SPECC1L: variants seen among roughly 807,000 people sequenced by gnomAD.
The protein encoded by SPECC1L is cytospin-A.
A neutral mutation model predicts 116.8 loss-of-function variants in SPECC1L; 40 were observed. The observed-to-expected ratio is 0.34, with a 90% CI of 0.27 to 0.45. The LOEUF (loss-of-function observed/expected upper bound fraction) is 0.45, where lower values mean the gene tolerates loss of function less well. Among genes scored for constraint, SPECC1L ranks in the 20% least tolerant of loss-of-function variants. SPECC1L has a pLI of 1.00. For missense variants in SPECC1L, 1,110 were observed against 1,373.6 expected, an observed-to-expected ratio of 0.81 and a Z score of 3.03; for synonymous variants, 504 against 500.6, an observed-to-expected ratio of 1.01 and a Z score of -0.09.
intron 14 of SPECC1L, among the ~76,000 whole-genome samples, chr22:24,376,651 C>T (rs1217865007): frequency 6.6e-6 from 1 of 152,136 alleles, no homozygotes; most frequent in African/African-American, 2.4e-5. Context: ...ATATTTTATG[C>T]TAAGGGAAAG....
At chr22:24,319,154 C>CCATTCTCA (rs1569418890) in intron 4 of SPECC1L, among the ~76,000 whole-genome samples, 2 of 152,112 alleles carry the variant, frequency 1.3e-5, no homozygotes, top group African/African-American at 4.8e-5. Flanking sequence ...CTGTATTAGT[C>CCATTCTCA]CATTCTCATG....
intron 10 of SPECC1L, among the ~76,000 whole-genome samples, chr22:24,340,380 C>T (rs569285097): frequency 1.3e-5 from 2 of 152,092 alleles, no homozygotes; most frequent in Admixed American, 1.3e-4. Flanking sequence ...TTCCTGACCT[C>T]AAGCAATCTG....
At chr22:24,271,569 C>T (rs1481021161) in intron 1 of SPECC1L, among the ~76,000 whole-genome samples, 1 of 152,254 alleles carries the variant, frequency 6.6e-6, no homozygotes, top group Admixed American at 6.5e-5. Flanking sequence ...CGGTACCTGT[C>T]TGAGGAAATT....
intron 14 of SPECC1L, among the ~76,000 whole-genome samples, chr22:24,392,817 G>A (rs1288177636): frequency 6.6e-6 from 1 of 152,110 alleles, no homozygotes; most frequent in African/African-American, 2.4e-5. Flanking sequence ...TCTCATCTCC[G>A]CTCTACTCAG....
chr22:24,293,579 A>ATTT (rs4049940), intron 2 of SPECC1L, among the ~76,000 whole-genome samples: 4 of 145,434 alleles, frequency 2.8e-5, no homozygotes, highest in African/African-American at 1.1e-4. Flanking sequence ...AGAAAAGCAG[A>ATTT]TTTTTTTTTT....
intron 4 of SPECC1L, among the ~76,000 whole-genome samples, chr22:24,318,525 G>T (rs2040651740): frequency 6.6e-6 from 1 of 152,148 alleles, no homozygotes; most frequent in African/African-American, 2.4e-5. Context: ...GAGGGGAGAG[G>T]GGAGAGGGAG....
chr22:24,275,336 G>A (rs1601477780), intron 1 of SPECC1L, among the ~76,000 whole-genome samples: 1 of 152,238 alleles, frequency 6.6e-6, no homozygotes, highest in Non-Finnish European at 1.5e-5. Context: ...CCTGACAGCT[G>A]TGAGACACCT....
At chr22:24,279,570 AATT>A (rs56978503) in intron 2 of SPECC1L, among the ~76,000 whole-genome samples, 1 of 150,462 alleles carries the variant, frequency 6.6e-6, no homozygotes, top group South Asian at 2.1e-4. Flanking sequence ...TTATTTTTTT[AATT>A]ATTATTATTA....
chr22:24,383,777 C>T (rs2042104186), intron 14 of SPECC1L, among the ~76,000 whole-genome samples: 1 of 132,170 alleles, frequency 7.6e-6, no homozygotes, highest in Non-Finnish European at 1.6e-5. Context: ...GCTGGGATTA[C>T]AGGCACCCAC....
chr22:24,311,408 C>T (rs979893126), intron 3 of SPECC1L, among the ~76,000 whole-genome samples: 4 of 152,242 alleles, frequency 2.6e-5, no homozygotes, highest in Non-Finnish European at 4.4e-5. Context: ...TATTTACTGG[C>T]TAAGAGAGGA....
intron 11 of SPECC1L, among the ~76,000 whole-genome samples, chr22:24,351,937 C>T (rs1170458276): frequency 4.0e-5 from 6 of 151,426 alleles, no homozygotes; most frequent in Non-Finnish European, 7.4e-5. Context: ...TTCAGTGAGC[C>T]GAGATTGCGC....
chr22:24,274,403 C>G (rs2048790448), intron 1 of SPECC1L, among the ~76,000 whole-genome samples: 1 of 152,182 alleles, frequency 6.6e-6, no homozygotes, highest in South Asian at 2.1e-4. Flanking sequence ...GTGACATACT[C>G]TTAAAAAACC....
At chr22:24,303,861 G>A (rs2049435474) in intron 3 of SPECC1L, among the ~76,000 whole-genome samples, 1 of 149,114 alleles carries the variant, frequency 6.7e-6, no homozygotes, top group African/African-American at 2.4e-5. Flanking sequence ...GTGTGTGTGT[G>A]TGTGTGTGTG....
chr22:24,324,204 C>A lies in SPECC1L; in HGVS notation c.1939-16C>A. 6.2e-7 allele frequency: 1 copy of A among 1,606,250 alleles called. No homozygotes were observed. Among genetic ancestry groups the A allele is most frequent in the Non-Finnish European group, 8.5e-7 (1 of 1,173,148 alleles). On this transcript the variant is annotated splice_polypyrimidine_tract_variant and intron_variant, in intron 5 of 16. Coordinates refer to ENST00000314328, the MANE Select transcript of SPECC1L (RefSeq NM_015330.6). The stretch of plus-strand genomic sequence containing the variant: ...ACTCTTAACTTTTCTAAATCTGCAT[C>A]GTCAATTTTACGTAGGTAGAGGATG...
chr22:24,334,995 G>A (rs1024944269), intron 9 of SPECC1L, among the ~76,000 whole-genome samples: 3 of 152,098 alleles, frequency 2.0e-5, no homozygotes, highest in African/African-American at 7.2e-5. Context: ...CCAAACTCTT[G>A]TCTGCCATCT....
At chr22:24,342,469 A>C (rs1601582844) in intron 10 of SPECC1L, among the ~76,000 whole-genome samples, 1 of 151,874 alleles carries the variant, frequency 6.6e-6, no homozygotes, top group Non-Finnish European at 1.5e-5. Context: ...TCAGGAGTTC[A>C]AGACCAGCCT....
chr22:24,338,372 T>G lies in SPECC1L; in HGVS notation c.2561-14T>G. On this transcript the variant is annotated splice_polypyrimidine_tract_variant and intron_variant, in intron 9 of 16. Transcript: ENST00000314328. ...CAGTGACATTATTTCCCTTTTTGTT[T>G]GTTGTTTTTGTAGTACCAAACCCTG... 1 of 1,613,394 alleles carries G rather than the reference T, an allele frequency of 6.2e-7. No individual in the cohort carries two copies. Among genetic ancestry groups the G allele is most frequent in the Non-Finnish European group, 8.5e-7 (1 of 1,179,482 alleles).
chr22:24,358,701 G>A (rs1411783092), intron 11 of SPECC1L, among the ~76,000 whole-genome samples: 2 of 152,112 alleles, frequency 1.3e-5, no homozygotes, highest in African/African-American at 2.4e-5. Flanking sequence ...AGGATATGTC[G>A]TCTAGTTCTT....
At chr22:24,322,962 G>C (rs768479116) in intron 5 of SPECC1L, 44 bp downstream of exon 5, 1 of 1,609,616 alleles carries the variant, frequency 6.2e-7, no homozygotes, top group Non-Finnish European at 8.5e-7. Flanking sequence ...GCATTAGGCA[G>C]CTGCCATGCA....
Sources: allele counts gnomAD v4.1 joint callset (sites outside exome capture counted in the v4.1 genomes callset), GRCh38; gene constraint gnomAD v4.1.1; transcripts MANE v1.5; gene names NCBI Gene and HGNC (gene_info 2026-07-23, HGNC 2026-07-21).